Variants in FAM117B observed in about 807,000 individuals in gnomAD.
The protein encoded by FAM117B is family with sequence similarity 117 member B, also known as protein FAM117B.
In FAM117B, 22 loss-of-function variants were observed where a neutral mutation model predicts 52.8. That is an observed-to-expected ratio of 0.42 (90% CI 0.30 to 0.59). The LOEUF (loss-of-function observed/expected upper bound fraction) is 0.59. Ranked by LOEUF, FAM117B falls within the 20% of genes least tolerant of loss-of-function variation. FAM117B has a pLI of 0.22. For synonymous variants in FAM117B, 309 were observed against 324.1 expected, an observed-to-expected ratio of 0.95 and a Z score of 0.50; for missense variants, 678 against 802.6, an observed-to-expected ratio of 0.84 and a Z score of 1.88.
intron 4 of FAM117B, among the ~76,000 whole-genome samples, chr2:202,745,500 C>T (rs916180881): frequency 2.9e-4 from 44 of 152,016 alleles, no homozygotes; most frequent in Admixed American, 7.9e-4. Context: ...TACAAGAAGC[C>T]CACCACATCT....
At position 202,635,459 on chromosome 2, in the gene FAM117B, G is replaced by C; in HGVS notation, c.272G>C (p.Ser91Thr). 7.9e-6 allele frequency: 9 copies of C among 1,137,166 alleles called. No individual in the cohort carries two copies. Among genetic ancestry groups the C allele is most frequent in the Non-Finnish European group, 9.7e-6 (9 of 929,568 alleles). The allele number at this position is 1,137,166 out of a possible 1,614,324, so 70.4% of individuals were successfully genotyped here. Residue 91 changes from serine to threonine, a missense_variant, in exon 1 of 8, where the codon AGC (serine) becomes ACC (threonine). Ser to Thr is a moderately conservative substitution (Grantham distance 58). This residue lies in a region of FAM117B where 583 missense variants were observed against 644.8 expected (regional missense o/e 0.90). Coordinates refer to ENST00000392238, the MANE Select transcript of FAM117B (RefSeq NM_173511.4). ...GGTGGCCCGCGCACCGCCTCGCGCAGCACCAGCCCCACGCGCGGCGGCGGG... is the reference window on the plus strand; with the variant it reads ...GGTGGCCCGCGCACCGCCTCGCGCACCACCAGCCCCACGCGCGGCGGCGGG... ...GGGGPRTASR[S>T]TSPTRGGGNA... is the part of the protein sequence containing the mutation.
At chr2:202,726,086 G>A (rs954411582) in intron 3 of FAM117B, among the ~76,000 whole-genome samples, 164 bp from the exon 4 acceptor site, 3 of 152,160 alleles carry the variant, frequency 2.0e-5, no homozygotes, top group African/African-American at 7.2e-5. Flanking sequence ...ACATGCATGT[G>A]TAGATGTGTA....
intron 1 of FAM117B, among the ~76,000 whole-genome samples, chr2:202,670,109 TCAA>T (rs1370934047): frequency 2.6e-5 from 4 of 152,156 alleles, no homozygotes; most frequent in Admixed American, 2.6e-4. Flanking sequence ...ACTGTCTAAA[TCAA>T]CAAATCTTTA....
At chr2:202,694,548 TTA>T (rs1424192213) in intron 1 of FAM117B, among the ~76,000 whole-genome samples, 9 of 152,062 alleles carry the variant, frequency 5.9e-5, no homozygotes, top group Admixed American at 5.2e-4. Flanking sequence ...TGAGGAAACA[TTA>T]ATAAGTAATA....
In FAM117B at chr2:202,716,833, T is replaced by G. The variant is rs139741928; in HGVS notation, c.754-8084T>G. Among the ~76,000 whole-genome samples, 11 of 152,348 alleles carry G rather than the reference T, an allele frequency of 7.2e-5. No homozygotes were observed. The East Asian group carries it at 2.1e-3, about 29-fold the overall frequency. On this transcript the variant is annotated intron_variant, in intron 2 of 7. Coordinates refer to ENST00000392238, the MANE Select transcript of FAM117B (RefSeq NM_173511.4). The stretch of plus-strand genomic sequence containing the variant: ...CTAATGCATTCTTAAGTATGTCAGT[T>G]GCATTTTTCAACTCCAGAATTTCTG...
intron 1 of FAM117B, among the ~76,000 whole-genome samples, chr2:202,690,965 C>T (rs980123222): frequency 2.0e-5 from 3 of 147,744 alleles, no homozygotes; most frequent in African/African-American, 7.3e-5. Flanking sequence ...TTCTTTATTA[C>T]AGGCTGCGAC....
At chr2:202,671,404 T>C (rs898671269) in intron 1 of FAM117B, among the ~76,000 whole-genome samples, 4 of 152,202 alleles carry the variant, frequency 2.6e-5, no homozygotes, top group South Asian at 2.1e-4. Context: ...GATTGTCCCA[T>C]TGAGGGATAA....
intron 1 of FAM117B, among the ~76,000 whole-genome samples, chr2:202,638,033 C>T (rs1039324618): frequency 9.9e-5 from 15 of 152,092 alleles, no homozygotes; most frequent in East Asian, 1.9e-4. Flanking sequence ...TGCGCTACCA[C>T]GCCTGGCTAA....
chr2:202,726,499 G>C, intron 4 of FAM117B, 136 bp downstream of exon 4: 1 of 614,610 alleles, frequency 1.6e-6, no homozygotes. Context: ...CTGAATCACA[G>C]TCTTTATAAG....
At chr2:202,669,662 C>T (rs1023525888) in intron 1 of FAM117B, among the ~76,000 whole-genome samples, 1 of 152,118 alleles carries the variant, frequency 6.6e-6, no homozygotes, top group African/African-American at 2.4e-5. Flanking sequence ...GTGGGATTTT[C>T]AGGCATGTCA....
At chr2:202,703,725 A>T (rs1327320173) in intron 2 of FAM117B, among the ~76,000 whole-genome samples, 16 of 152,236 alleles carry the variant, frequency 1.1e-4, no homozygotes. Context: ...GTTAATCTGT[A>T]GATGGATATT....
intron 4 of FAM117B, among the ~76,000 whole-genome samples, chr2:202,737,700 C>A (rs954858903): frequency 6.6e-6 from 1 of 151,826 alleles, no homozygotes; most frequent in South Asian, 2.1e-4. Context: ...CTCTTGGGTT[C>A]AAGCGATTTT....
chr2:202,635,603 GGCCGCCGCCGCC>G lies in FAM117B; in HGVS notation c.425_436del (p.Pro142_Pro145del). 2 of 1,280,000 alleles carry G rather than the reference GGCCGCCGCCGCC, an allele frequency of 1.6e-6. No individual in the cohort carries two copies. Among genetic ancestry groups the G allele is most frequent in the Middle Eastern group, 3.0e-4 (1 of 3,308 alleles). 79.3% of individuals were successfully genotyped at this position (1,280,000 alleles called of 1,614,324 possible). On this transcript the variant is annotated inframe_deletion, in exon 1 of 8. Coordinates refer to ENST00000392238, the MANE Select transcript of FAM117B (RefSeq NM_173511.4). ...CCTGGAGCTCGCGGGAGCCCCCCAC[GGCCGCCGCCGCC>G]GCCGCCGCTGCTGGGCACCGTGTCG...
intron 1 of FAM117B, among the ~76,000 whole-genome samples, chr2:202,690,449 G>A (rs1426824976): frequency 6.6e-6 from 1 of 152,188 alleles, no homozygotes; most frequent in Middle Eastern, 3.2e-3. Context: ...GGGGTGGGAA[G>A]TAAAATTCCT....
At chr2:202,742,879 C>A (rs1391427955) in intron 4 of FAM117B, among the ~76,000 whole-genome samples, 21 of 152,210 alleles carry the variant, frequency 1.4e-4, no homozygotes, top group Admixed American at 1.2e-3. Context: ...CACCAGCCCC[C>A]ACAAGCACCT....
intron 4 of FAM117B, among the ~76,000 whole-genome samples, chr2:202,746,393 A>G (rs193143936): frequency 1.3e-5 from 2 of 152,150 alleles, no homozygotes; most frequent in East Asian, 3.8e-4. Flanking sequence ...GAAATAAAAA[A>G]AAATTTCTTG....
chr2:202,731,332 A>AAT lies in FAM117B; in HGVS notation c.960+5004_960+5005dup, dbSNP rs35255766. ...TCAGGGGAGGATGTGGAGAAATTGG[A>AAT]ATATATATATATATATATATATATA... On this transcript the variant is annotated intron_variant, in intron 4 of 7. Transcript: ENST00000392238. Among the ~76,000 whole-genome samples the AAT allele has an allele frequency of 5.7e-3, 176 of 30,758 alleles. 5 individuals are homozygous for AAT. The highest frequency in any genetic ancestry group is 0.067 in the Middle Eastern group (2 of 30). 20.2% of individuals were successfully genotyped at this position (30,758 alleles called of 152,430 possible). A position where few individuals can be genotyped will look rare whatever the true frequency, so the allele number is the denominator to read the frequency against.
At position 202,673,433 on chromosome 2, in the gene FAM117B, G is replaced by GTTTTTTTTTTTTTTTTTTTTTTTTTT. The variant is rs1158185300; in HGVS notation, c.602-22441_602-22416dup. 1.9e-4 allele frequency among the ~76,000 whole-genome samples: 7 copies of GTTTTTTTTTTTTTTTTTTTTTTTTTT among 37,534 alleles called. 2 individuals carry two copies. The highest frequency in any genetic ancestry group is 6.2e-4 in the African/African-American group (4 of 6,448). 24.6% of individuals were successfully genotyped at this position (37,534 alleles called of 152,430 possible). A position where few individuals can be genotyped will look rare whatever the true frequency, so the allele number is the denominator to read the frequency against. On this transcript the variant is annotated intron_variant, in intron 1 of 7. Transcript: ENST00000392238. ...TAGCCTACCCTATTTTTCTTTTTCT[G>GTTTTTTTTTTTTTTTTTTTTTTTTTT]TTTTTTTTTTTTTTTTTTTTTTTTT...
intron 1 of FAM117B, among the ~76,000 whole-genome samples, chr2:202,676,865 T>A (rs956839075): frequency 6.6e-6 from 1 of 152,120 alleles, no homozygotes; most frequent in African/African-American, 2.4e-5. Context: ...AACAGACTAT[T>A]GGCATAAATC....
Sources: gnomAD v4.1 joint callset for allele counts (sites outside exome capture counted in the v4.1 genomes callset) on GRCh38, gnomAD v4.1.1 for gene constraint, gnomAD v4.1.1 regional missense constraint, MANE v1.5 for transcripts, NCBI Gene and HGNC (gene_info 2026-07-23, HGNC 2026-07-21) for gene names.